RBFOX1: variants seen among roughly 807,000 people sequenced by gnomAD.
RBFOX1 encodes the protein RNA binding protein fox-1 homolog 1.
In RBFOX1, 8 loss-of-function variants were observed where a neutral mutation model predicts 57.7. That is an observed-to-expected ratio of 0.14 (90% CI 0.08 to 0.25). The LOEUF is 0.25. Ranked by LOEUF, RBFOX1 falls within the 10% of genes least tolerant of loss-of-function variation. The pLI is 1.00. For synonymous variants in RBFOX1, 326 were observed against 222.4 expected (o/e 1.47, Z -4.15); for missense variants, 611 against 548.5 (o/e 1.11, Z -1.14).
chr16:6,796,860 A>T (rs1019889477), intron 3 of RBFOX1, among the ~76,000 whole-genome samples: 2 of 152,184 alleles, frequency 1.3e-5, no homozygotes, highest in South Asian at 4.1e-4. Context: ...AATAAGTTGC[A>T]TGATGACTGC....
chr16:6,848,707 T>G (rs2093900134), intron 3 of RBFOX1, among the ~76,000 whole-genome samples: 1 of 151,984 alleles, frequency 6.6e-6, no homozygotes, highest in African/African-American at 2.4e-5. Flanking sequence ...GAATGAGAGA[T>G]AATAGATGGA....
chr16:6,695,430 AAAAAAAAGGAAAGGAAGGG>A (rs2060891320), intron 3 of RBFOX1, among the ~76,000 whole-genome samples: 1 of 101,512 alleles, frequency 9.9e-6, no homozygotes, highest in Non-Finnish European at 2.5e-5. Context: ...AAAAAAAAAA[AAAAAAAAGGAAAGGAAGGG>A]AAAGGAAAGG....
chr16:6,515,186 T>G (rs2096350181), intron 2 of RBFOX1, among the ~76,000 whole-genome samples: 1 of 152,222 alleles, frequency 6.6e-6, no homozygotes, highest in African/African-American at 2.4e-5. Flanking sequence ...TAATGTTCAC[T>G]CTGGCTATAC....
At chr16:6,146,345 A>C (rs2096757969) in intron 1 of RBFOX1, among the ~76,000 whole-genome samples, 1 of 152,210 alleles carries the variant, frequency 6.6e-6, no homozygotes, top group Non-Finnish European at 1.5e-5. Flanking sequence ...GTGATAATGG[A>C]AAGTAAGTCC....
intron 2 of RBFOX1, among the ~76,000 whole-genome samples, chr16:6,543,200 G>C (rs1377930573): frequency 1.3e-5 from 2 of 152,172 alleles, no homozygotes; most frequent in Admixed American, 6.5e-5. Context: ...GGAGGGAAGA[G>C]GATGCACTAG....
chr16:6,995,717 T>G (rs879276042), intron 3 of RBFOX1, among the ~76,000 whole-genome samples: 1 of 145,504 alleles, frequency 6.9e-6, no homozygotes, highest in Non-Finnish European at 1.5e-5. Flanking sequence ...GCCAAGATCA[T>G]GCCACCGCAC....
At chr16:6,812,930 C>G (rs1359011890) in intron 3 of RBFOX1, among the ~76,000 whole-genome samples, 2 of 152,116 alleles carry the variant, frequency 1.3e-5, no homozygotes, top group Non-Finnish European at 2.9e-5. Context: ...TGCTGTCTTT[C>G]TTTGGAGACT....
intron 2 of RBFOX1, among the ~76,000 whole-genome samples, chr16:6,358,207 T>A (rs1415092068): frequency 6.6e-6 from 1 of 152,180 alleles, no homozygotes; most frequent in African/African-American, 2.4e-5. Flanking sequence ...ACCTCCTTCA[T>A]GAGACTGTGT....
intron 4 of RBFOX1, among the ~76,000 whole-genome samples, chr16:7,418,543 A>G (rs1302344275): frequency 6.6e-6 from 1 of 152,216 alleles, no homozygotes; most frequent in African/African-American, 2.4e-5. Flanking sequence ...GATGCCATTA[A>G]AGTCTCTACC....
rs573090019 is a variant in RBFOX1, at chr16:5,668,547, C to G, written c.318+69586C>G. 4.6e-5 allele frequency among the ~76,000 whole-genome samples: 7 copies of G among 152,294 alleles called. No homozygotes were observed. The South Asian group carries it at 1.0e-3, about 23-fold the overall frequency. On this transcript the variant is annotated intron_variant, in intron 3 of 19. Coordinates refer to the RBFOX1 transcript ENST00000641259. ...TATTTGGGAGCATTAACAGGGTGGA[C>G]TGAGGCTGGACTGTTTTCCTCTTCA...
At chr16:6,229,103 C>T (rs2097438653) in intron 1 of RBFOX1, among the ~76,000 whole-genome samples, 1 of 152,080 alleles carries the variant, frequency 6.6e-6, no homozygotes, top group South Asian at 2.1e-4. Flanking sequence ...CCATGTTGTG[C>T]AGCAGTGTCA....
chr16:6,211,121 C>A (rs547983160), intron 1 of RBFOX1, among the ~76,000 whole-genome samples: 1 of 117,180 alleles, frequency 8.5e-6, no homozygotes, highest in Non-Finnish European at 2.0e-5. Flanking sequence ...TGTGGCCTAA[C>A]GGCAGACTGG....
intron 4 of RBFOX1, among the ~76,000 whole-genome samples, chr16:7,052,307 G>A (rs1355521503): frequency 2.0e-5 from 3 of 152,130 alleles, no homozygotes; most frequent in Admixed American, 1.3e-4. Context: ...TAGTAGATAT[G>A]GATTTTTTGA....
intron 4 of RBFOX1, among the ~76,000 whole-genome samples, chr16:5,993,511 A>C (rs896989406): frequency 6.6e-6 from 1 of 152,088 alleles, no homozygotes; most frequent in African/African-American, 2.4e-5. Context: ...AATACAGCCA[A>C]GTCTGTAGAA....
chr16:6,289,734 G>GA (rs747003134), intron 1 of RBFOX1, among the ~76,000 whole-genome samples: 4 of 152,234 alleles, frequency 2.6e-5, no homozygotes, highest in African/African-American at 9.6e-5. Context: ...ATCCTGGGGG[G>GA]AAAATGCCTT....
intron 4 of RBFOX1, among the ~76,000 whole-genome samples, chr16:7,492,313 GA>G (rs905509930): frequency 2.0e-5 from 3 of 151,916 alleles, no homozygotes; most frequent in South Asian, 2.1e-4. Flanking sequence ...CCTTGGTGCT[GA>G]AAAAAATGGG....
intron 2 of RBFOX1, among the ~76,000 whole-genome samples, chr16:6,419,793 A>C (rs910070714): frequency 6.6e-6 from 1 of 152,106 alleles, no homozygotes; most frequent in African/African-American, 2.4e-5. Context: ...TAAAACTCTT[A>C]TTATCTCAGA....
chr16:7,092,939 C>T (rs756065489), intron 4 of RBFOX1, among the ~76,000 whole-genome samples: 2 of 152,044 alleles, frequency 1.3e-5, no homozygotes, highest in African/African-American at 2.4e-5. Context: ...AGTTAGTTGA[C>T]GCATTCGTTG....
intron 3 of RBFOX1, among the ~76,000 whole-genome samples, chr16:6,717,304 C>T (rs2065024393): frequency 2.0e-5 from 3 of 152,034 alleles, no homozygotes; most frequent in Admixed American, 2.0e-4. Context: ...GAGCCGCAAG[C>T]CTTGAACTTA....
Sources: allele counts gnomAD v4.1 joint callset (sites outside exome capture counted in the v4.1 genomes callset), GRCh38; gene constraint gnomAD v4.1.1; transcripts MANE v1.5; gene names NCBI Gene and HGNC (gene_info 2026-07-23, HGNC 2026-07-21).